PSD3: variants seen among roughly 807,000 people sequenced by gnomAD.
PSD3 encodes pleckstrin and Sec7 domain containing 3.
In PSD3, 49 loss-of-function variants were observed where a neutral mutation model predicts 105.5. The observed-to-expected ratio is 0.46, with a 90% CI of 0.37 to 0.59. The LOEUF (loss-of-function observed/expected upper bound fraction) is 0.59, where lower values mean the gene tolerates loss of function less well. Among genes scored for constraint, PSD3 ranks in the 20% least tolerant of loss-of-function variants. The pLI is 0.00. For missense variants in PSD3, 1,561 were observed against 1,263.8 expected (o/e 1.24, Z -3.57); for synonymous variants, 557 against 457.8 (o/e 1.22, Z -2.77).
chr8:18,779,994 G>A (rs752991918), intron 8 of PSD3, among the ~76,000 whole-genome samples: 1 of 152,184 alleles, frequency 6.6e-6, no homozygotes, highest in African/African-American at 2.4e-5. Context: ...TTGGCTAGAT[G>A]ATCAGTCCAA....
At chr8:18,948,046 C>A (rs376338380) in intron 1 of PSD3, among the ~76,000 whole-genome samples, 4 of 152,288 alleles carry the variant, frequency 2.6e-5, no homozygotes, top group African/African-American at 9.6e-5. Flanking sequence ...AGCATATCCT[C>A]CGCCTTTGCC....
At chr8:18,970,324 CAAAAAAAAAAAA>C (rs11450922) in intron 1 of PSD3, among the ~76,000 whole-genome samples, 1 of 45,310 alleles carries the variant, frequency 2.2e-5, no homozygotes, top group Non-Finnish European at 3.6e-5. Context: ...GACTCTGCCT[CAAAAAAAAAAAA>C]AAAAAAAAAA....
At chr8:18,765,934 C>T (rs111692640) in intron 8 of PSD3, among the ~76,000 whole-genome samples, 1 of 150,400 alleles carries the variant, frequency 6.6e-6, no homozygotes, top group Non-Finnish European at 1.5e-5. Flanking sequence ...TGCCACTGCA[C>T]TCCAGCGTGG....
At chr8:18,731,424 C>G (rs1803741714) in intron 9 of PSD3, among the ~76,000 whole-genome samples, 1 of 152,184 alleles carries the variant, frequency 6.6e-6, no homozygotes, top group African/African-American at 2.4e-5. Context: ...AGAAAGGCAA[C>G]TTAGATTCTC....
At chr8:18,583,237 A>G (rs1269903244) in intron 12 of PSD3, among the ~76,000 whole-genome samples, 1 of 152,144 alleles carries the variant, frequency 6.6e-6, no homozygotes, top group Non-Finnish European at 1.5e-5. Context: ...TGAGGAATTC[A>G]AGACCAGCCT....
intron 8 of PSD3, chr8:18,774,896 T>C: frequency 2.2e-6 from 1 of 456,182 alleles, no homozygotes; most frequent in Admixed American, 2.3e-5. Flanking sequence ...GCCTCAAAGA[T>C]CCTGAGCCTT....
intron 1 of PSD3, among the ~76,000 whole-genome samples, chr8:19,040,919 G>GCCT (rs1828102569): frequency 6.6e-6 from 1 of 152,040 alleles, no homozygotes; most frequent in Non-Finnish European, 1.5e-5. Flanking sequence ...TTGAGACAGG[G>GCCT]TCTCACTCTG....
chr8:18,693,930 A>T (rs1801119387), intron 9 of PSD3, among the ~76,000 whole-genome samples: 1 of 152,184 alleles, frequency 6.6e-6, no homozygotes, highest in Admixed American at 6.5e-5. Flanking sequence ...GGGCAAACAG[A>T]GATGAAGCAT....
intron 1 of PSD3, among the ~76,000 whole-genome samples, chr8:19,054,049 C>T (rs1431131055): frequency 6.6e-6 from 1 of 152,156 alleles, no homozygotes; most frequent in African/African-American, 2.4e-5. Context: ...GTAAGTTGTA[C>T]TGGTACTTGG....
intron 10 of PSD3, among the ~76,000 whole-genome samples, chr8:18,648,607 T>C (rs1459955737): frequency 6.6e-6 from 1 of 152,112 alleles, no homozygotes; most frequent in Non-Finnish European, 1.5e-5. Flanking sequence ...CATGTGAAAA[T>C]TTGCAGCAGG....
intron 12 of PSD3, among the ~76,000 whole-genome samples, chr8:18,580,004 T>G (rs960531663): frequency 6.6e-5 from 10 of 152,184 alleles, no homozygotes; most frequent in Non-Finnish European, 1.3e-4. Flanking sequence ...TAAAGCAAGC[T>G]GGGTCCTAAA....
chr8:18,769,033 G>A (rs182593727), intron 8 of PSD3, among the ~76,000 whole-genome samples: 52 of 152,290 alleles, frequency 3.4e-4, no homozygotes, highest in South Asian at 1.0e-3. Flanking sequence ...GTATACTGAA[G>A]ACGACAATAA....
chr8:18,712,744 A>G (rs1365507380), intron 9 of PSD3, among the ~76,000 whole-genome samples: 1 of 152,206 alleles, frequency 6.6e-6, no homozygotes, highest in Admixed American at 6.5e-5. Flanking sequence ...AAACTATTCC[A>G]AAAAATTGAA....
intron 9 of PSD3, among the ~76,000 whole-genome samples, chr8:18,728,206 A>G: frequency 6.6e-6 from 1 of 152,178 alleles, no homozygotes; most frequent in East Asian, 1.9e-4. Flanking sequence ...TTTTCCATGG[A>G]ATTTCTGCAC....
chr8:18,799,459 T>A (rs1234980083), intron 7 of PSD3, 106 bp from the exon 8 acceptor site: 6 of 869,292 alleles, frequency 6.9e-6, no homozygotes, highest in Non-Finnish European at 1.1e-5. Context: ...AACAGTACTG[T>A]GCTAGGTACA....
chr8:18,868,145 A>G, intron 3 of PSD3, 76 bp from the exon 4 acceptor site: 1 of 1,416,898 alleles, frequency 7.1e-7, no homozygotes, highest in East Asian at 2.3e-5. Context: ...CCATATAAAA[A>G]GGACAACATT....
intron 1 of PSD3, among the ~76,000 whole-genome samples, chr8:18,947,574 C>T (rs1822947439): frequency 6.6e-6 from 1 of 152,144 alleles, no homozygotes; most frequent in Admixed American, 6.5e-5. Flanking sequence ...GCGGGGGGCC[C>T]AGAGCAGAGC....
intron 11 of PSD3, among the ~76,000 whole-genome samples, chr8:18,620,962 C>G (rs760665012): frequency 6.6e-6 from 1 of 152,148 alleles, no homozygotes; most frequent in Non-Finnish European, 1.5e-5. Flanking sequence ...ATAAACAGAA[C>G]GAGTCAGCAG....
chr8:18,909,617 C>T (rs1022928353), intron 2 of PSD3, among the ~76,000 whole-genome samples: 19 of 152,028 alleles, frequency 1.2e-4, no homozygotes, highest in African/African-American at 4.6e-4. Flanking sequence ...GTGAGCAGCT[C>T]GGACTACAGG....
Sources: allele counts gnomAD v4.1 joint callset (sites outside exome capture counted in the v4.1 genomes callset), GRCh38; gene constraint gnomAD v4.1.1; transcripts MANE v1.5; gene names NCBI Gene and HGNC (gene_info 2026-07-23, HGNC 2026-07-21).